The following FHIT variants were observed in gnomAD, a reference collection of about 807,000 sequenced individuals.
FHIT encodes bis(5'-adenosyl)-triphosphatase.
Under a neutral mutation model 17.9 loss-of-function variants are expected in FHIT, and 19 were observed. The observed-to-expected ratio is 1.06, with a 90% CI of 0.74 to 1.56. FHIT has a LOEUF of 1.56. FHIT is among the 40% of genes most tolerant of loss of function. The pLI is 0.00. For missense variants in FHIT, 248 were observed against 189.2 expected (o/e 1.31, Z -1.82); for synonymous variants, 81 against 69.7 (o/e 1.16, Z -0.81).
intron 4 of FHIT, among the ~76,000 whole-genome samples, chr3:60,713,852 G>A (rs1167913890): frequency 6.6e-6 from 1 of 151,556 alleles, no homozygotes; most frequent in Non-Finnish European, 1.5e-5. Context: ...TCTACCAGAG[G>A]TACAAGGAGG....
chr3:61,005,956 G>T (rs560264335), intron 3 of FHIT, among the ~76,000 whole-genome samples: 75 of 152,190 alleles, frequency 4.9e-4, no homozygotes, highest in African/African-American at 1.8e-3. Flanking sequence ...CATCTACACA[G>T]TTTAGAATCT....
intron 2 of FHIT, among the ~76,000 whole-genome samples, chr3:61,127,520 A>AC (rs1181048215): frequency 1.7e-4 from 26 of 151,746 alleles, no homozygotes; most frequent in Middle Eastern, 3.4e-3. Context: ...CAGAAAACAA[A>AC]CCCCCCCTGA....
chr3:60,772,066 G>T (rs1402230088), intron 4 of FHIT, among the ~76,000 whole-genome samples: 7 of 151,986 alleles, frequency 4.6e-5, no homozygotes, highest in South Asian at 2.1e-4. Context: ...GATTGACAAA[G>T]ATTTCTGCTA....
chr3:60,194,934 G>A (rs892627571), intron 5 of FHIT, among the ~76,000 whole-genome samples: 3 of 152,170 alleles, frequency 2.0e-5, no homozygotes, highest in Non-Finnish European at 2.9e-5. Context: ...AGGAGGCCGA[G>A]GAGGGTGGAT....
chr3:60,361,322 T>C (rs1218285438), intron 5 of FHIT, among the ~76,000 whole-genome samples: 3 of 152,124 alleles, frequency 2.0e-5, no homozygotes, highest in Admixed American at 2.0e-4. Context: ...TGGAACAGCA[T>C]CTCAAGAGAG....
chr3:60,480,281 T>C (rs902655893), intron 5 of FHIT, among the ~76,000 whole-genome samples: 2 of 152,124 alleles, frequency 1.3e-5, no homozygotes, highest in African/African-American at 2.4e-5. Flanking sequence ...TCTCCAGGTC[T>C]CTCCCTCAAC....
intron 8 of FHIT, 141 bp from the exon 9 acceptor site, chr3:59,752,462 C>A (rs17061162): frequency 0.081 from 47,706 of 592,236 alleles, 3,078 homozygotes; most frequent in South Asian, 0.21. Flanking sequence ...TCAGTTGCTA[C>A]AACTTGCAAA....
intron 5 of FHIT, among the ~76,000 whole-genome samples, chr3:60,033,264 G>A (rs1228885460): frequency 1.3e-5 from 2 of 152,174 alleles, no homozygotes; most frequent in Admixed American, 1.3e-4. Flanking sequence ...GAGAGGCTGA[G>A]GCGGGGGGAT....
intron 5 of FHIT, among the ~76,000 whole-genome samples, chr3:60,442,815 C>A (rs2031007414): frequency 6.6e-6 from 1 of 152,104 alleles, no homozygotes; most frequent in African/African-American, 2.4e-5. Context: ...TGAAGAAAGT[C>A]ATTGGTAGCT....
intron 4 of FHIT, among the ~76,000 whole-genome samples, chr3:60,663,342 C>A (rs2040307266): frequency 6.6e-6 from 1 of 151,354 alleles, no homozygotes; most frequent in African/African-American, 2.4e-5. Flanking sequence ...CCATGCTGAG[C>A]CTTCCAAGTC....
At position 60,148,691 on chromosome 3, in the gene FHIT, A is replaced by G. The variant is rs187181193; in HGVS notation, c.104-134539T>C. Among the ~76,000 whole-genome samples, 13 of 152,282 alleles carry G rather than the reference A, an allele frequency of 8.5e-5. No homozygotes were observed. The East Asian group carries it at 2.3e-3, about 27-fold the overall frequency. On this transcript the variant is annotated intron_variant, in intron 5 of 9. Coordinates refer to ENST00000492590, the MANE Select transcript of FHIT (RefSeq NM_002012.4). ...GCCAGTGTTCCCAATAAGGAAAGAT[A>G]ACTAAGATAAAAGAATGTCTCTTGC...
chr3:60,525,330 C>T (rs1335463382), intron 5 of FHIT, among the ~76,000 whole-genome samples: 1 of 152,074 alleles, frequency 6.6e-6, no homozygotes, highest in Non-Finnish European at 1.5e-5. Context: ...CTGTTTTGAA[C>T]CAAAATTAAA....
At chr3:59,960,509 G>T (rs559504507) in intron 7 of FHIT, among the ~76,000 whole-genome samples, 1 of 152,272 alleles carries the variant, frequency 6.6e-6, no homozygotes, top group East Asian at 1.9e-4. Flanking sequence ...TGGCCTAAAA[G>T]GGAGTTAGGT....
At chr3:60,033,311 C>T (rs1254660291) in intron 5 of FHIT, among the ~76,000 whole-genome samples, 2 of 152,056 alleles carry the variant, frequency 1.3e-5, no homozygotes, top group African/African-American at 4.8e-5. Context: ...GCCTGACCAA[C>T]ATGGAGAAAC....
chr3:60,211,481 A>T (rs1703452106), intron 5 of FHIT, among the ~76,000 whole-genome samples: 1 of 152,204 alleles, frequency 6.6e-6, no homozygotes, highest in Non-Finnish European at 1.5e-5. Flanking sequence ...TAAAAAAGCA[A>T]TCTCTATAAA....
At chr3:59,933,335 C>T (rs1706065536) in intron 7 of FHIT, among the ~76,000 whole-genome samples, 1 of 152,156 alleles carries the variant, frequency 6.6e-6, no homozygotes, top group Admixed American at 6.6e-5. Flanking sequence ...CACCATTCAT[C>T]CACCCACCAT....
intron 8 of FHIT, among the ~76,000 whole-genome samples, chr3:59,908,469 A>G (rs1704688174): frequency 6.6e-6 from 1 of 152,206 alleles, no homozygotes; most frequent in Admixed American, 6.5e-5. Flanking sequence ...AGGACCATGG[A>G]CACCTCTAGG....
chr3:60,227,718 C>A (rs1704285037), intron 5 of FHIT, among the ~76,000 whole-genome samples: 1 of 152,146 alleles, frequency 6.6e-6, no homozygotes, highest in Admixed American at 6.5e-5. Context: ...AGTCAGTGCT[C>A]TGATTTGGGA....
chr3:60,482,877 A>C (rs1329299826), intron 5 of FHIT, among the ~76,000 whole-genome samples: 1 of 152,116 alleles, frequency 6.6e-6, no homozygotes, highest in African/African-American at 2.4e-5. Flanking sequence ...CAAAAATAAA[A>C]TAAATGAAGA....
Sources: allele counts gnomAD v4.1 joint callset (sites outside exome capture counted in the v4.1 genomes callset), GRCh38; gene constraint gnomAD v4.1.1; transcripts MANE v1.5; gene names NCBI Gene and HGNC (gene_info 2026-07-23, HGNC 2026-07-21).